HVCN1: variants seen among roughly 807,000 people sequenced by gnomAD.
The protein encoded by HVCN1 is hydrogen voltage gated channel 1.
Under a neutral mutation model 29.2 loss-of-function variants are expected in HVCN1, and 14 were observed. The ratio of observed to expected loss-of-function variants is 0.48; its 90% CI spans 0.32 to 0.75. HVCN1 has a LOEUF of 0.75. Ranked by LOEUF, HVCN1 falls within the 30% of genes least tolerant of loss-of-function variation. The pLI is 0.04. For synonymous variants in HVCN1, 131 were observed against 133.2 expected (o/e 0.98, Z 0.11); for missense variants, 263 against 341.8 (o/e 0.77, Z 1.82).
At position 110,651,473 on chromosome 12, in the gene HVCN1, C is replaced by A; in HGVS notation, c.412-25G>T. ...CCTGAAGGGGACAAGGAACCACAGT[C>A]AGGGGAGATTGGGCCTCTGGGAGGT... is the stretch of plus-strand genomic sequence containing the variant. On this transcript the variant is annotated intron_variant, in intron 5 of 7. Coordinates refer to ENST00000242607, the MANE Select transcript of HVCN1 (RefSeq NM_032369.4). 3 of 1,535,932 alleles carry A rather than the reference C, an allele frequency of 2.0e-6. No individual in the cohort carries two copies. In the South Asian group the frequency reaches 3.4e-5, roughly 17 times the overall value.
At position 110,648,796 on chromosome 12, in the gene HVCN1, G is replaced by GTTTA; in HGVS notation, c.*610_*613dup. On this transcript the variant is annotated 3_prime_UTR_variant, in exon 8 of 8. Coordinates refer to ENST00000242607, the MANE Select transcript of HVCN1 (RefSeq NM_032369.4). ...TAGGAGGGTCCAGGGAAAAGAGAGA[G>GTTTA]TTTATTTTATACAGTAGTTGTTTTA... 1 of 309,302 alleles carries GTTTA rather than the reference G, an allele frequency of 3.2e-6. No homozygotes were observed. The highest frequency in any genetic ancestry group is 2.7e-5 in the South Asian group (1 of 37,040). 19.2% of individuals were successfully genotyped at this position (309,302 alleles called of 1,614,324 possible).
chr12:110,664,700 G>GAGTCTCCCTCCCCTTGTGAATCTGCT (rs2068284350), intron 3 of HVCN1, among the ~76,000 whole-genome samples: 2 of 152,164 alleles, frequency 1.3e-5, no homozygotes, highest in Non-Finnish European at 2.9e-5. Flanking sequence ...CAAAGCTATT[G>GAGTCTCCCTCCCCTTGTGAATCTGCT]AGTCTCCCTC....
At chr12:110,692,454 T>G (rs2069423838), upstream of HVCN1, among the ~76,000 whole-genome samples, 1 of 152,148 alleles carries the variant, frequency 6.6e-6, no homozygotes, top group African/African-American at 2.4e-5. Flanking sequence ...GCATGGTGGC[T>G]CACACCTGTA....
At chr12:110,694,745 C>T (rs1051791009), upstream of HVCN1, among the ~76,000 whole-genome samples, 3 of 152,172 alleles carry the variant, frequency 2.0e-5, no homozygotes, top group African/African-American at 4.8e-5. This position sits in a 1 kb window ranked among gnomAD's most constrained non-coding sequence, Gnocchi z 4.6. Flanking sequence ...GACGGCCACA[C>T]GACGGGATCT....
Position 110,661,146 on chromosome 12 carries a change from G to A in HVCN1, c.306+18C>T. The A allele has an allele frequency of 6.3e-7, 1 of 1,576,212 alleles. No individual in the cohort carries two copies. Among genetic ancestry groups the A allele is most frequent in the Non-Finnish European group, 8.6e-7 (1 of 1,158,562 alleles). Reference sequence around the variant, plus strand: ...TCTCCTGCCAGCTCTGGGTATCCCGGACTCCTGCCCCACCTACCTGAAACC... The same window carrying A: ...TCTCCTGCCAGCTCTGGGTATCCCGAACTCCTGCCCCACCTACCTGAAACC... On this transcript the variant is annotated intron_variant, in intron 4 of 7. Coordinates refer to ENST00000242607, the MANE Select transcript of HVCN1 (RefSeq NM_032369.4). This position sits in a 1 kb window ranked among gnomAD's most constrained non-coding sequence, Gnocchi z 6.2.
upstream of HVCN1, among the ~76,000 whole-genome samples, chr12:110,693,906 G>A (rs1299541193): frequency 1.3e-5 from 2 of 152,184 alleles, no homozygotes; most frequent in Non-Finnish European, 2.9e-5. Context: ...TAGGAACTGC[G>A]TTAGATGAAG....
rs2068700837 is a variant in HVCN1 at position 110,675,022 on chromosome 12, T to G, written c.21+8203A>C. Among the ~76,000 whole-genome samples, 5 of 152,232 alleles carry G rather than the reference T, an allele frequency of 3.3e-5. No homozygotes were observed. In the South Asian group the frequency reaches 1.0e-3, roughly 31 times the overall value. ...AAGATATAATTCAAGAAAACTTTTCTGATATAAAAGAGGACTTAAAAGTGC... is the reference window on the plus strand; with the variant it reads ...AAGATATAATTCAAGAAAACTTTTCGGATATAAAAGAGGACTTAAAAGTGC... On this transcript the variant is annotated intron_variant, in intron 3 of 7. Transcript: ENST00000242607.
At chr12:110,682,026 C>G (rs1388718605) in intron 3 of HVCN1, among the ~76,000 whole-genome samples, 1 of 152,028 alleles carries the variant, frequency 6.6e-6, no homozygotes, top group Non-Finnish European at 1.5e-5. Flanking sequence ...TTGCTCTTGT[C>G]ACCCAGGATG....
intron 6 of HVCN1, among the ~76,000 whole-genome samples, chr12:110,650,691 T>C (rs1593426960): frequency 2.2e-5 from 3 of 137,256 alleles, no homozygotes; most frequent in Admixed American, 7.6e-5. Flanking sequence ...TTGACAAGAG[T>C]CCAGTTTTTT....
intron 4 of HVCN1, among the ~76,000 whole-genome samples, chr12:110,659,104 C>T (rs181152326): frequency 3.9e-4 from 59 of 152,306 alleles, no homozygotes; most frequent in African/African-American, 1.3e-3. Flanking sequence ...GAAGCTGGGT[C>T]GCCAGGCGCT....
chr12:110,702,193 G>C (rs1238499334), intron 2 of HVCN1: 3 of 152,008 alleles, frequency 2.0e-5, no homozygotes, highest in Non-Finnish European at 4.4e-5. Context: ...GGAAGTCTTG[G>C]CATCAAAATG....
intron 3 of HVCN1, among the ~76,000 whole-genome samples, chr12:110,667,189 C>A (rs963801616): frequency 1.3e-5 from 2 of 152,200 alleles, no homozygotes; most frequent in Non-Finnish European, 2.9e-5. Flanking sequence ...TGCTGGAGTG[C>A]AGTGGCATGA....
At chr12:110,656,063 G>C (rs2067981325) in intron 4 of HVCN1, among the ~76,000 whole-genome samples, 1 of 152,186 alleles carries the variant, frequency 6.6e-6, no homozygotes, top group African/African-American at 2.4e-5. Context: ...CAGAACAGAT[G>C]CTCAATAAAT....
rs1357623331 is a variant in HVCN1 at position 110,686,296 on chromosome 12, GC to G, written c.-20+2328del. 2.0e-5 allele frequency among the ~76,000 whole-genome samples: 3 copies of G among 152,146 alleles called. 1 individual carries two copies. The East Asian group carries it at 5.8e-4, about 29-fold the overall frequency. ...TGGAATTACAGGCATGAGCCACCGT[GC>G]CTGGCCTAATTCTAAAAAATTATTT... On this transcript the variant is annotated intron_variant, in intron 2 of 7. Transcript: ENST00000242607.
intron 3 of HVCN1, among the ~76,000 whole-genome samples, chr12:110,677,602 G>C (rs1373342311): frequency 6.6e-6 from 1 of 152,174 alleles, no homozygotes; most frequent in Non-Finnish European, 1.5e-5. Context: ...TTCTCTGTGG[G>C]GAGGCAAGAG....
In HVCN1 at chr12:110,661,219, G is replaced by T. The variant is rs756162690; in HGVS notation, c.251C>A (p.Ala84Asp). The change falls in exon 4 of 8, where the codon GCC becomes GAC. Residue 84 changes from alanine (A) to aspartate (D), a missense_variant. Coordinates refer to ENST00000242607, the MANE Select transcript of HVCN1 (RefSeq NM_032369.4). The surrounding 1 kb of genome is among the most constrained non-coding windows in gnomAD (Gnocchi z 6.2). ...CAACATGCCCCTGAAGTCAAGGGGG[G>T]CCCTGGGTGCGGGGCCAGGGGCAGG... ...VAPAPGPAPR[A>D]PLDFRGMLRK... The T allele has an allele frequency of 2.5e-6, 4 of 1,613,852 alleles. No homozygotes were observed. The highest frequency in any genetic ancestry group is 3.3e-5 in the Admixed American group (2 of 60,018).
intron 1 of HVCN1, among the ~76,000 whole-genome samples, chr12:110,703,199 G>A (rs562080141): frequency 3.1e-4 from 38 of 122,302 alleles, no homozygotes; most frequent in African/African-American, 1.2e-3. Flanking sequence ...GTAAGGTCAT[G>A]TCTCTACCAA....
chr12:110,699,250 G>A (rs992762118), intron 2 of HVCN1, among the ~76,000 whole-genome samples: 1 of 152,144 alleles, frequency 6.6e-6, no homozygotes, highest in Admixed American at 6.5e-5. Context: ...TCGTGTTCTC[G>A]GCACACTCGC....
intron 2 of HVCN1, among the ~76,000 whole-genome samples, chr12:110,687,255 A>ACCC (rs1228326866): frequency 2.7e-5 from 3 of 109,766 alleles, no homozygotes; most frequent in African/African-American, 7.8e-5. Flanking sequence ...AAGACAGACC[A>ACCC]CACCCCCCCC....
Sources: allele counts gnomAD v4.1 joint callset (sites outside exome capture counted in the v4.1 genomes callset), GRCh38; gene constraint gnomAD v4.1.1; non-coding constraint Gnocchi (gnomAD v3.1); transcripts MANE v1.5; gene names NCBI Gene and HGNC (gene_info 2026-07-23, HGNC 2026-07-21).